Variants in UBE2D2 observed in about 807,000 individuals in gnomAD.
UBE2D2 encodes the protein ubiquitin conjugating enzyme E2 D2.
UBE2D2 carries 2 observed loss-of-function variants against 24.2 expected under a neutral mutation model. The ratio of observed to expected loss-of-function variants is 0.08; its 90% CI spans 0.03 to 0.26. The LOEUF (loss-of-function observed/expected upper bound fraction) is 0.26, where lower values mean the gene tolerates loss of function less well. UBE2D2 is among the 10% of genes least tolerant of loss of function. The pLI is 1.00. For missense variants in UBE2D2, 44 were observed against 177.6 expected (o/e 0.25, Z 4.28); for synonymous variants, 58 against 56.5 (o/e 1.03, Z -0.12).
At position 139,561,780 on chromosome 5, in the gene UBE2D2, C is replaced by T; in HGVS notation, c.-12C>T. 2 of 1,499,312 alleles carry T rather than the reference C, an allele frequency of 1.3e-6. No homozygotes were observed. Among genetic ancestry groups the T allele is most frequent in the Non-Finnish European group, 1.8e-6 (2 of 1,131,816 alleles). 92.9% of individuals were successfully genotyped at this position (1,499,312 alleles called of 1,614,324 possible). ...TCCCCGCCCCGGGGGCCGCCGCCAC[C>T]CGCCTCCCACCATGGCTCTGAAGAG... On this transcript the variant is annotated 5_prime_UTR_variant, in exon 1 of 7. Transcript: ENST00000398733.
At chr5:139,582,820 G>A (rs1478887712) in intron 1 of UBE2D2, among the ~76,000 whole-genome samples, 1 of 151,516 alleles carries the variant, frequency 6.6e-6, no homozygotes, top group Non-Finnish European at 1.5e-5. Flanking sequence ...GCAGGCATCC[G>A]CCGCCACGCC....
intron 1 of UBE2D2, among the ~76,000 whole-genome samples, chr5:139,529,756 A>G (rs1286141586): frequency 6.6e-6 from 1 of 152,200 alleles, no homozygotes; most frequent in Non-Finnish European, 1.5e-5. Context: ...CAGACCTTCT[A>G]CCAGTATTTT....
chr5:139,570,140 G>A (rs1753319461), intron 1 of UBE2D2, among the ~76,000 whole-genome samples: 1 of 152,030 alleles, frequency 6.6e-6, no homozygotes, highest in Non-Finnish European at 1.5e-5. Flanking sequence ...GGTGATGTGT[G>A]CCTGTAGTCC....
chr5:139,546,050 A>AT (rs1204118329), intron 1 of UBE2D2, among the ~76,000 whole-genome samples: 1 of 148,494 alleles, frequency 6.7e-6, no homozygotes, highest in Non-Finnish European at 1.5e-5. Context: ...CTTTCTTTTT[A>AT]TTTTTTTCTT....
chr5:139,546,765 C>T (rs893567417), intron 1 of UBE2D2, among the ~76,000 whole-genome samples: 2 of 151,996 alleles, frequency 1.3e-5, no homozygotes, highest in Non-Finnish European at 2.9e-5. Flanking sequence ...GAATTACAGG[C>T]GTGAGCCACC....
chr5:139,625,811 G>A lies in UBE2D2; in HGVS notation c.399-945G>A, dbSNP rs140819961. On this transcript the variant is annotated intron_variant, in intron 6 of 6. Coordinates refer to ENST00000398733, the MANE Select transcript of UBE2D2 (RefSeq NM_003339.3). ...GTAGAGACGGGATTTTGCCATGTTG[G>A]CCAGGCTGGTCTGGAACTCCTGACC... Among the ~76,000 whole-genome samples the A allele has an allele frequency of 3.9e-3, 586 of 151,700 alleles. 8 individuals carry two copies. The highest frequency in any genetic ancestry group is 0.026 in the South Asian group (124 of 4,794).
rs565760717 is a variant in UBE2D2, at chr5:139,547,839, C to T, written c.-64+21227C>T. Reference sequence around the variant, plus strand: ...CCTCCTGAGTAGCTGGGATTACAGGCGCCTGCCACCACGCCCAGCTAATTT... The same window carrying T: ...CCTCCTGAGTAGCTGGGATTACAGGTGCCTGCCACCACGCCCAGCTAATTT... On this transcript the variant is annotated intron_variant, in intron 1 of 6. Transcript: ENST00000511725. 3.2e-4 allele frequency among the ~76,000 whole-genome samples: 48 copies of T among 151,698 alleles called. No homozygotes were observed. In the East Asian group the frequency reaches 5.7e-3, roughly 18 times the overall value.
intron 6 of UBE2D2, among the ~76,000 whole-genome samples, chr5:139,626,377 G>A (rs1011092241): frequency 1.3e-5 from 2 of 152,008 alleles, no homozygotes; most frequent in Admixed American, 6.6e-5. Context: ...GCCTTCTGTC[G>A]GTTTAATCAT....
At chr5:139,541,909 G>A (rs1443916702) in intron 1 of UBE2D2, among the ~76,000 whole-genome samples, 3 of 151,884 alleles carry the variant, frequency 2.0e-5, no homozygotes, top group Non-Finnish European at 2.9e-5. Context: ...AAAATTAGCC[G>A]GGTATGGTGG....
chr5:139,622,112 A>G lies in UBE2D2; in HGVS notation c.305-1256A>G, dbSNP rs1333581077. Reference sequence around the variant, plus strand: ...GGAGTTCAGGCATAAAGACAGTCATATCAACTCTTCTTACATCATGGGATT... The same window carrying G: ...GGAGTTCAGGCATAAAGACAGTCATGTCAACTCTTCTTACATCATGGGATT... On this transcript the variant is annotated intron_variant, in intron 5 of 6. Transcript: ENST00000398733. 3.3e-5 allele frequency among the ~76,000 whole-genome samples: 5 copies of G among 152,194 alleles called. No homozygotes were observed. The South Asian group carries it at 8.3e-4, about 25-fold the overall frequency.
At chr5:139,566,388 AGTGG>A (rs1561504512) in intron 1 of UBE2D2, among the ~76,000 whole-genome samples, 1 of 2,178 alleles carries the variant, frequency 4.6e-4, no homozygotes, top group Non-Finnish European at 1.3e-3. Flanking sequence ...GGTCATGCAC[AGTGG>A]GTCATGCACA....
intron 1 of UBE2D2, among the ~76,000 whole-genome samples, chr5:139,567,808 A>G (rs1271815372): frequency 2.0e-5 from 3 of 152,164 alleles, no homozygotes; most frequent in African/African-American, 7.2e-5. Context: ...TGCTGGGATT[A>G]CAGGCGTGAG....
intron 5 of UBE2D2, among the ~76,000 whole-genome samples, chr5:139,621,949 T>G (rs900459043): frequency 2.6e-5 from 4 of 152,160 alleles, no homozygotes; most frequent in Non-Finnish European, 4.4e-5. Context: ...TCCTTGAATA[T>G]GGGCTTCTAA....
chr5:139,565,783 G>A (rs1021194927), intron 1 of UBE2D2, among the ~76,000 whole-genome samples: 1 of 152,142 alleles, frequency 6.6e-6, no homozygotes, highest in African/African-American at 2.4e-5. Flanking sequence ...GTGCTGTAAT[G>A]TTGAAGTATT....
intron 2 of UBE2D2, among the ~76,000 whole-genome samples, chr5:139,601,376 G>A (rs1053903937): frequency 3.3e-5 from 5 of 152,148 alleles, no homozygotes; most frequent in African/African-American, 1.2e-4. Context: ...GACCGAGGCA[G>A]GTGAATCAAT....
At chr5:139,586,416 C>A (rs1753725833) in intron 1 of UBE2D2, among the ~76,000 whole-genome samples, 1 of 152,094 alleles carries the variant, frequency 6.6e-6, no homozygotes, top group Admixed American at 6.6e-5. Context: ...CACCCTCCAC[C>A]CCCTCTTCAA....
chr5:139,533,629 C>A (rs1254950402), intron 1 of UBE2D2, among the ~76,000 whole-genome samples: 5 of 147,082 alleles, frequency 3.4e-5, no homozygotes, highest in Non-Finnish European at 6.0e-5. Flanking sequence ...CTAGCCTGGG[C>A]AACAAGAGCT....
chr5:139,626,366 A>G (rs1196260926), intron 6 of UBE2D2, among the ~76,000 whole-genome samples: 2 of 152,206 alleles, frequency 1.3e-5, no homozygotes, highest in Non-Finnish European at 2.9e-5. Flanking sequence ...CAACATGCCC[A>G]GCCTTCTGTC....
chr5:139,561,686 C>T lies in UBE2D2; in HGVS notation c.-106C>T. 3 of 886,636 alleles carry T rather than the reference C, an allele frequency of 3.4e-6. No homozygotes were observed. Among genetic ancestry groups the T allele is most frequent in the Non-Finnish European group, 3.2e-6 (2 of 619,196 alleles). The allele number at this position is 886,636 out of a possible 1,614,324, so 54.9% of individuals were successfully genotyped here. ...CGCTTTCCTCAACTCTCCATCTTCT[C>T]CTGCCGACCGAGATCGCCGAGGCGG... On this transcript the variant is annotated 5_prime_UTR_variant, in exon 1 of 7. Transcript: ENST00000398733.
Sources: allele counts gnomAD v4.1 joint callset (sites outside exome capture counted in the v4.1 genomes callset), GRCh38; gene constraint gnomAD v4.1.1; transcripts MANE v1.5; gene names NCBI Gene and HGNC (gene_info 2026-07-23, HGNC 2026-07-21).